The following TARS3 variants were observed in gnomAD, a reference collection of about 807,000 sequenced individuals.
TARS3 encodes the protein threonyl-tRNA synthetase 3.
In TARS3, 94 loss-of-function variants were observed where a neutral mutation model predicts 103.5. That is an observed-to-expected ratio of 0.91 (90% CI 0.77 to 1.08). The LOEUF (loss-of-function observed/expected upper bound fraction) is 1.08. TARS3 is among the 50% of genes least tolerant of loss of function. The pLI, the probability that TARS3 is intolerant of heterozygous loss-of-function variation, is 0.00. For synonymous variants in TARS3, 416 were observed against 355.4 expected, an observed-to-expected ratio of 1.17 and a Z score of -1.92; for missense variants, 952 against 995.2, an observed-to-expected ratio of 0.96 and a Z score of 0.58.
At position 101,695,117 on chromosome 15, in the gene TARS3, G is replaced by A. The variant is rs536736005; in HGVS notation, c.1320+5969C>T. ...TGTATTTTACCACAAAATGGCTTGA[G>A]GTAAAATTTACACGCCATAAAATTC... On this transcript the variant is annotated intron_variant, in intron 10 of 18. Coordinates refer to ENST00000335968, the MANE Select transcript of TARS3 (RefSeq NM_152334.3). 1.7e-4 allele frequency among the ~76,000 whole-genome samples: 26 copies of A among 152,226 alleles called. No individual in the cohort carries two copies. The East Asian group carries it at 4.6e-3, about 27-fold the overall frequency.
intron 16 of TARS3, among the ~76,000 whole-genome samples, chr15:101,660,190 T>C (rs1596280472): frequency 6.6e-6 from 1 of 152,200 alleles, no homozygotes; most frequent in East Asian, 1.9e-4. Context: ...TGCCCGGCAA[T>C]AGTAGCAGTG....
chr15:101,672,751 A>G (rs900608398), intron 13 of TARS3, among the ~76,000 whole-genome samples: 3 of 152,084 alleles, frequency 2.0e-5, no homozygotes, highest in African/African-American at 7.2e-5. Context: ...TTTTCTACTT[A>G]GGACCAGAGA....
chr15:101,721,241 T>C lies in TARS3; in HGVS notation c.451A>G (p.Ile151Val), dbSNP rs761208366. The change falls in exon 3 of 19, where the codon ATT becomes GTT. Residue 151 changes from isoleucine to valine, a missense_variant. By Grantham distance (29) the Ile-to-Val change is conservative. Transcript: ENST00000335968. Reference protein sequence around the residue: ...LKKDHQLLLAIYGKKGDTSNI... With the variant: ...LKKDHQLLLAVYGKKGDTSNI... ...CTTGTATCCCCCTTTTTTCCATAAA[T>C]GGCAAGTAAGAGCTGATGGTCTTTC... 2 of 1,614,102 alleles carry C rather than the reference T, an allele frequency of 1.2e-6. No individual in the cohort carries two copies. Among genetic ancestry groups the C allele is most frequent in the South Asian group, 2.2e-5 (2 of 91,072 alleles).
chr15:101,722,312 T>A (rs764377213), intron 2 of TARS3, among the ~76,000 whole-genome samples: 3 of 151,282 alleles, frequency 2.0e-5, no homozygotes, highest in Non-Finnish European at 4.4e-5. Flanking sequence ...GAGTCACACA[T>A]TACAGCACTT....
At chr15:101,718,354 A>G (rs1900269103) in intron 3 of TARS3, among the ~76,000 whole-genome samples, 1 of 151,860 alleles carries the variant, frequency 6.6e-6, no homozygotes, top group Non-Finnish European at 1.5e-5. Flanking sequence ...GTGGGGGGAC[A>G]GTGTTGGTAT....
At chr15:101,676,441 G>C (rs1898029288) in intron 12 of TARS3, among the ~76,000 whole-genome samples, 1 of 152,128 alleles carries the variant, frequency 6.6e-6, no homozygotes, top group Non-Finnish European at 1.5e-5. Context: ...TGAAATGCAG[G>C]GAATTTGATG....
intron 5 of TARS3, among the ~76,000 whole-genome samples, chr15:101,709,568 C>A (rs772781519): frequency 3.3e-5 from 5 of 152,218 alleles, no homozygotes; most frequent in Non-Finnish European, 7.3e-5. Flanking sequence ...TCAATGCCAC[C>A]TGCTCCTTCC....
At chr15:101,673,810 G>A (rs912697884) in intron 13 of TARS3, among the ~76,000 whole-genome samples, 6 of 152,184 alleles carry the variant, frequency 3.9e-5, no homozygotes, top group African/African-American at 1.4e-4. Context: ...TAGAGCTCAA[G>A]GCTAAACTGC....
intron 5 of TARS3, among the ~76,000 whole-genome samples, chr15:101,709,999 C>A (rs1271131609): frequency 1.3e-5 from 2 of 152,192 alleles, no homozygotes; most frequent in Non-Finnish European, 2.9e-5. Context: ...CCACAAAGAC[C>A]AAGGCATGAT....
intron 10 of TARS3, chr15:101,699,328 T>C (rs1007786698): frequency 1.5e-5 from 7 of 451,848 alleles, no homozygotes; most frequent in African/African-American, 1.4e-4. Flanking sequence ...CCAGTGCCCT[T>C]ACCTTAGAAT....
chr15:101,662,679 A>C (rs574698705), intron 15 of TARS3, among the ~76,000 whole-genome samples: 1 of 152,298 alleles, frequency 6.6e-6, no homozygotes, highest in African/African-American at 2.4e-5. Context: ...ATTCCTATGC[A>C]GGTATATGAA....
Position 101,685,942 on chromosome 15 carries a change from C to G in TARS3, c.1441G>C (p.Glu481Gln), listed in dbSNP as rs1898455459. The stretch of plus-strand genomic sequence containing the variant: ...GGTTTGAGGGCAAAAGTGTCCTTTT[C>G]AATCTCAAAGGTAAACATGTTCTCG... ...YSENMFTFEIEKDTFALKPMN... is the reference protein window; with the variant it reads ...YSENMFTFEIQKDTFALKPMN... Residue 481 changes from glutamate (E) to glutamine (Q), a missense_variant, in exon 11 of 19, where the codon GAA becomes CAA. By Grantham distance (29) the Glu-to-Gln change is conservative. Transcript: ENST00000335968. 8 of 1,614,026 alleles carry G rather than the reference C, an allele frequency of 5.0e-6. No homozygotes were observed. Among genetic ancestry groups the G allele is most frequent in the Non-Finnish European group, 6.8e-6 (8 of 1,179,898 alleles).
In TARS3 at chr15:101,716,088, C is replaced by G. The variant is rs1269024465; in HGVS notation, c.567-1125G>C. On this transcript the variant is annotated intron_variant, in intron 3 of 18. Transcript: ENST00000335968. ...CTGGAGTGCAGTGGTGCAATCTTGG[C>G]TCACCGCAACCCCTGCCTTCTGGGT... 2.0e-5 allele frequency among the ~76,000 whole-genome samples: 3 copies of G among 151,554 alleles called. No individual in the cohort carries two copies. The East Asian group carries it at 5.8e-4, about 29-fold the overall frequency.
At chr15:101,671,055 A>G (rs1385781867) in intron 15 of TARS3, among the ~76,000 whole-genome samples, 1 of 150,002 alleles carries the variant, frequency 6.7e-6, no homozygotes. Context: ...AGCTGTACAC[A>G]CAACACACAC....
At chr15:101,717,853 G>A (rs934804190) in intron 3 of TARS3, among the ~76,000 whole-genome samples, 2 of 152,144 alleles carry the variant, frequency 1.3e-5, no homozygotes, top group African/African-American at 2.4e-5. Context: ...CTTTGTTGTA[G>A]CAGCTTAGTA....
intron 16 of TARS3, among the ~76,000 whole-genome samples, chr15:101,661,216 G>T (rs1048606897): frequency 2.6e-5 from 4 of 151,036 alleles, no homozygotes; most frequent in Middle Eastern, 3.4e-3. Flanking sequence ...TCCTAAATGG[G>T]CTGTGCTGCT....
At chr15:101,718,247 A>T (rs1041904634) in intron 3 of TARS3, among the ~76,000 whole-genome samples, 2 of 152,090 alleles carry the variant, frequency 1.3e-5, no homozygotes, top group African/African-American at 4.8e-5. Flanking sequence ...GCATGCCTGT[A>T]ATCTCAACTA....
intron 5 of TARS3, among the ~76,000 whole-genome samples, chr15:101,709,748 C>G (rs967233379): frequency 6.6e-6 from 1 of 152,236 alleles, no homozygotes; most frequent in African/African-American, 2.4e-5. Flanking sequence ...GCACCCAGCA[C>G]AGAGCACACA....
intron 18 of TARS3, 87 bp from the exon 19 acceptor site, chr15:101,654,817 A>C: frequency 7.6e-7 from 1 of 1,319,618 alleles, no homozygotes; most frequent in African/African-American, 1.5e-5. Context: ...GTTTTTATCA[A>C]GTTTTTCTTC....
Sources: allele counts gnomAD v4.1 joint callset (sites outside exome capture counted in the v4.1 genomes callset), GRCh38; gene constraint gnomAD v4.1.1; transcripts MANE v1.5; gene names NCBI Gene and HGNC (gene_info 2026-07-23, HGNC 2026-07-21).